The following ANGPT1 variants were observed in gnomAD, a reference collection of about 807,000 sequenced individuals.
ANGPT1 encodes the protein angiopoietin-1.
In ANGPT1, 17 loss-of-function variants were observed where a neutral mutation model predicts 62.2. That is an observed-to-expected ratio of 0.27 (90% CI 0.19 to 0.41). The LOEUF (loss-of-function observed/expected upper bound fraction) is 0.41. Ranked by LOEUF, ANGPT1 falls within the 10% of genes least tolerant of loss-of-function variation. The pLI is 1.00. For missense variants in ANGPT1, 478 were observed against 594.9 expected, an observed-to-expected ratio of 0.80 and a Z score of 2.04; for synonymous variants, 199 against 198.9, an observed-to-expected ratio of 1.00 and a Z score of 0.00.
At chr8:107,297,671 T>C (rs1304552551) in intron 5 of ANGPT1, among the ~76,000 whole-genome samples, 1 of 150,156 alleles carries the variant, frequency 6.7e-6, no homozygotes, top group Non-Finnish European at 1.5e-5. Flanking sequence ...TCTTTATAAT[T>C]ATGATTTCTA....
At chr8:107,313,418 T>C (rs1210443174) in intron 4 of ANGPT1, among the ~76,000 whole-genome samples, 1 of 143,342 alleles carries the variant, frequency 7.0e-6, no homozygotes, top group African/African-American at 2.6e-5. Flanking sequence ...AAGCTAAAAA[T>C]GTTACTAGTT....
intron 1 of ANGPT1, among the ~76,000 whole-genome samples, chr8:107,366,673 A>G (rs1418138386): frequency 6.6e-6 from 1 of 152,158 alleles, no homozygotes; most frequent in Non-Finnish European, 1.5e-5. Context: ...TATTGAATCT[A>G]AAGACAACAT....
intron 1 of ANGPT1, among the ~76,000 whole-genome samples, chr8:107,467,891 T>C (rs1586347631): frequency 6.6e-6 from 1 of 152,290 alleles, no homozygotes; most frequent in South Asian, 2.1e-4. Flanking sequence ...ACAGGTCTGC[T>C]TTGACTCTTG....
chr8:107,478,561 T>C (rs1344128355), intron 1 of ANGPT1, among the ~76,000 whole-genome samples: 2 of 152,024 alleles, frequency 1.3e-5, no homozygotes, highest in Non-Finnish European at 2.9e-5. Flanking sequence ...AATAAATAAA[T>C]AAATAAAGAT....
chr8:107,298,805 C>T (rs548569860), intron 5 of ANGPT1, among the ~76,000 whole-genome samples: 4 of 151,792 alleles, frequency 2.6e-5, no homozygotes, highest in Admixed American at 1.3e-4. Flanking sequence ...ATATTTGATG[C>T]TTCGGTTTTT....
chr8:107,321,170 T>C (rs1033662524), intron 4 of ANGPT1, among the ~76,000 whole-genome samples: 2 of 151,916 alleles, frequency 1.3e-5, no homozygotes, highest in Admixed American at 1.3e-4. Context: ...AATTGTTAGG[T>C]GGATGGATGG....
At chr8:107,259,248 G>A (rs1199162665) in intron 8 of ANGPT1, among the ~76,000 whole-genome samples, 1 of 152,092 alleles carries the variant, frequency 6.6e-6, no homozygotes, top group Non-Finnish European at 1.5e-5. Flanking sequence ...TCCCAAAAAT[G>A]CTAAGACAAT....
intron 1 of ANGPT1, among the ~76,000 whole-genome samples, chr8:107,366,522 C>T (rs979187832): frequency 1.3e-5 from 2 of 152,114 alleles, no homozygotes; most frequent in African/African-American, 4.8e-5. Context: ...GTACAATAAA[C>T]TCAACACAGT....
At chr8:107,297,964 G>T (rs1174263483) in intron 5 of ANGPT1, among the ~76,000 whole-genome samples, 2 of 151,858 alleles carry the variant, frequency 1.3e-5, no homozygotes, top group Non-Finnish European at 2.9e-5. Context: ...TCATTTGCCA[G>T]TATTGTGTGG....
intron 1 of ANGPT1, among the ~76,000 whole-genome samples, chr8:107,352,359 A>C (rs1815950707): frequency 6.6e-6 from 1 of 152,170 alleles, no homozygotes; most frequent in Non-Finnish European, 1.5e-5. Context: ...GTAGGCAAAG[A>C]AAACATATTT....
chr8:107,400,310 A>G (rs975546990), intron 1 of ANGPT1, among the ~76,000 whole-genome samples: 5 of 152,232 alleles, frequency 3.3e-5, no homozygotes, highest in Admixed American at 6.5e-5. Context: ...ACAACGTTCC[A>G]TAACAACAAG....
intron 1 of ANGPT1, among the ~76,000 whole-genome samples, chr8:107,374,905 T>C (rs991579626): frequency 7.9e-5 from 12 of 152,164 alleles, no homozygotes; most frequent in African/African-American, 2.7e-4. Flanking sequence ...CTCACGCCTG[T>C]AATCTCAGCA....
intron 1 of ANGPT1, among the ~76,000 whole-genome samples, chr8:107,477,058 G>A (rs527593992): frequency 6.6e-5 from 10 of 151,998 alleles, no homozygotes; most frequent in Non-Finnish European, 7.4e-5. Flanking sequence ...ATCCAAACCC[G>A]TTGTTTCACT....
chr8:107,357,706 T>C (rs1039888854), intron 1 of ANGPT1, among the ~76,000 whole-genome samples: 4 of 152,108 alleles, frequency 2.6e-5, no homozygotes, highest in Admixed American at 1.3e-4. Flanking sequence ...ACAGGACAGA[T>C]CATGAAATTT....
Position 107,478,063 on chromosome 8 carries a change from G to GTT in ANGPT1, c.297+19197_297+19198dup, listed in dbSNP as rs146651787. Among the ~76,000 whole-genome samples the GTT allele has an allele frequency of 1.1e-3, 158 of 143,854 alleles. 1 individual carries two copies. Among genetic ancestry groups the GTT allele is most frequent in the Non-Finnish European group, 1.4e-3 (91 of 65,644 alleles). The allele number at this position is 143,854 out of a possible 152,430, so 94.4% of individuals were successfully genotyped here. ...AACCCTGTTCCAAAATATTTCTCCT[G>GTT]TTTTTTTTTTTTCTACAAGATTCTG... is the stretch of plus-strand genomic sequence containing the variant. On this transcript the variant is annotated intron_variant, in intron 1 of 8. Coordinates refer to ENST00000517746, the MANE Select transcript of ANGPT1 (RefSeq NM_001146.5).
intron 1 of ANGPT1, among the ~76,000 whole-genome samples, chr8:107,386,589 C>G (rs1421563750): frequency 2.6e-5 from 4 of 151,974 alleles, no homozygotes; most frequent in Non-Finnish European, 5.9e-5. Flanking sequence ...ATAAGCCAAC[C>G]TTAATGATTA....
At chr8:107,274,853 T>C (rs1173517822) in intron 7 of ANGPT1, among the ~76,000 whole-genome samples, 1 of 152,054 alleles carries the variant, frequency 6.6e-6, no homozygotes, top group Non-Finnish European at 1.5e-5. Flanking sequence ...TCGAGACATG[T>C]GCCAAGCATT....
At chr8:107,312,691 C>T (rs958169244) in intron 4 of ANGPT1, among the ~76,000 whole-genome samples, 18 of 152,146 alleles carry the variant, frequency 1.2e-4, no homozygotes, top group African/African-American at 4.1e-4. Context: ...AGGAGTGACA[C>T]AAAACCAAGA....
intron 1 of ANGPT1, among the ~76,000 whole-genome samples, chr8:107,473,441 C>T (rs1812416860): frequency 6.6e-6 from 1 of 151,936 alleles, no homozygotes; most frequent in South Asian, 2.1e-4. Flanking sequence ...AACACAAGGT[C>T]AGAGTCAGGT....
Sources: gnomAD v4.1 joint callset for allele counts (sites outside exome capture counted in the v4.1 genomes callset) on GRCh38, gnomAD v4.1.1 for gene constraint, MANE v1.5 for transcripts, NCBI Gene and HGNC (gene_info 2026-07-23, HGNC 2026-07-21) for gene names.